Variants in TOR1A observed in about 807,000 individuals in gnomAD.
TOR1A encodes the protein torsin-1A.
In TOR1A, 18 loss-of-function variants were observed where a neutral mutation model predicts 31.4. That is an observed-to-expected ratio of 0.57 (90% CI 0.40 to 0.85). The LOEUF (loss-of-function observed/expected upper bound fraction) is 0.85. Among genes scored for constraint, TOR1A ranks in the 40% least tolerant of loss-of-function variants. The probability of loss-of-function intolerance (pLI) is 0.00; values close to 1 mark genes in which losing one functional copy is unlikely to be tolerated. For missense variants in TOR1A, 375 were observed against 416.4 expected (o/e 0.90, Z 0.87); for synonymous variants, 168 against 165.9 (o/e 1.01, Z -0.10).
intron 4 of TOR1A, among the ~76,000 whole-genome samples, chr9:129,815,015 G>A (rs1363277322): frequency 2.0e-5 from 3 of 152,154 alleles, no homozygotes; most frequent in Non-Finnish European, 2.9e-5. Flanking sequence ...GCACTGACCC[G>A]TCCACTCCTC....
At chr9:129,816,341 T>G (rs78170357) in intron 4 of TOR1A, among the ~76,000 whole-genome samples, 4,289 of 152,242 alleles carry the variant, frequency 0.028, 99 homozygotes, top group Middle Eastern at 0.051. Context: ...AAGCCTTTCT[T>G]GATTTTTTTC....
At position 129,818,881 on chromosome 9, in the gene TOR1A, A is replaced by G. The variant is rs781541689; in HGVS notation, c.484T>C (p.Cys162Arg). Residue 162 changes from cysteine (C) to arginine (R), a missense_variant, in exon 3 of 5, where the codon TGT becomes CGT. By Grantham distance (180) the Cys-to-Arg change is radical (BLOSUM62 -3). Transcript: ENST00000351698. Reference protein sequence around the residue: ...QLWIRGNVSACARSIFIFDEM... With the variant: ...QLWIRGNVSARARSIFIFDEM... ...TCAAATATGAAGATGGACCTCGCAC[A>G]GGCACTCACGTTGCCTCGAATCCAC... 1.1e-5 allele frequency: 18 copies of G among 1,613,782 alleles called. No individual in the cohort carries two copies. The highest frequency in any genetic ancestry group is 1.5e-5 in the Non-Finnish European group (18 of 1,180,036).
chr9:129,824,071 C>T lies in TOR1A; in HGVS notation c.15G>A (p.Arg5=). 6.3e-7 allele frequency: 1 copy of T among 1,591,092 alleles called. No individual in the cohort carries two copies. The highest frequency in any genetic ancestry group is 8.5e-7 in the Non-Finnish European group (1 of 1,171,952). The change falls in exon 1 of 5, where the codon CGG becomes CGA. Residue 5 remains arginine (R), a synonymous_variant. Coordinates refer to ENST00000351698, the MANE Select transcript of TOR1A (RefSeq NM_000113.3). The part of the protein sequence containing the change: MKLG[R]AVLGLLLLAP... ...CCAGCAGCAGCAGGCCCAGCACGGCCCGGCCCAGCTTCATGCCCGGACCCG... is the reference window on the plus strand; with the variant it reads ...CCAGCAGCAGCAGGCCCAGCACGGCTCGGCCCAGCTTCATGCCCGGACCCG...
At chr9:129,817,424 G>A (rs1386628942) in intron 4 of TOR1A, among the ~76,000 whole-genome samples, 1 of 152,198 alleles carries the variant, frequency 6.6e-6, no homozygotes, top group Non-Finnish European at 1.5e-5. Context: ...GAACTGGCCA[G>A]GCGTGGTGGC....
Position 129,823,982 on chromosome 9 carries a change from G to GTGA in TOR1A, c.101_103dup (p.Leu34_Thr35insIle). ...GTAGAGACGCGGGTAGATGTAGCCG[G>GTGA]TGAGGACGCCGGCCAGGGCCAGTCC... On this transcript the variant is annotated inframe_insertion, in exon 1 of 5. Transcript: ENST00000351698. 6.2e-7 allele frequency: 1 copy of GTGA among 1,611,464 alleles called. No individual in the cohort carries two copies. The highest frequency in any genetic ancestry group is 8.5e-7 in the Non-Finnish European group (1 of 1,179,572).
rs761764499 is a variant in TOR1A, at chr9:129,814,022, T to TATCTGAGAAA, written c.939_948dup (p.Lys317PhefsTer4). 2 of 1,614,116 alleles carry TATCTGAGAAA rather than the reference T, an allele frequency of 1.2e-6. No individual in the cohort carries two copies. The highest frequency in any genetic ancestry group is 2.7e-5 in the African/African-American group (2 of 74,932). On this transcript the variant is annotated frameshift_variant, in exon 5 of 5. Transcript: ENST00000351698. LOFTEE classifies it high-confidence loss of function. Reference sequence around the variant, plus strand: ...TTGGTGAACACCGTTTTGCAGCCTTTATCTGAGAAAACTCTCTCCTCTTTG... The same window carrying TATCTGAGAAA: ...TTGGTGAACACCGTTTTGCAGCCTTTATCTGAGAAAATCTGAGAAAACTCTCTCCTCTTTG...
At position 129,819,364 on chromosome 9, in the gene TOR1A, A is replaced by T. The variant is rs147467425; in HGVS notation, c.445-444T>A. On this transcript the variant is annotated intron_variant, in intron 2 of 4. Transcript: ENST00000351698. ...GTCGGGCATGGTGGCTCACACCTGT[A>T]ATCCCAGCACTTTGGGAGGCTGAGG... 2.0e-3 allele frequency among the ~76,000 whole-genome samples: 301 copies of T among 152,314 alleles called. 9 individuals carry two copies. In the East Asian group the frequency reaches 0.057, roughly 29 times the overall value.
chr9:129,814,742 C>T (rs767611773), intron 4 of TOR1A, among the ~76,000 whole-genome samples: 9 of 151,610 alleles, frequency 5.9e-5, no homozygotes, highest in Non-Finnish European at 1.2e-4. Context: ...AGGCAGAGTT[C>T]CACAGAAAGC....
rs1588214876 is a variant in TOR1A, at chr9:129,814,275, A to G, written c.749-53T>C. ...ATCCACATCCACCCACCTGCCCTATAGACGCCTCCTGGGGGTCACTTACCT... is the reference window on the plus strand; with the variant it reads ...ATCCACATCCACCCACCTGCCCTATGGACGCCTCCTGGGGGTCACTTACCT... On this transcript the variant is annotated intron_variant, in intron 4 of 4. Coordinates refer to ENST00000351698, the MANE Select transcript of TOR1A (RefSeq NM_000113.3). 1.9e-6 allele frequency: 3 copies of G among 1,612,448 alleles called. No individual in the cohort carries two copies. The East Asian group carries it at 6.7e-5, about 36-fold the overall frequency.
At position 129,814,098 on chromosome 9, in the gene TOR1A, T is replaced by A; in HGVS notation, c.873A>T (p.Glu291Asp). The A allele has an allele frequency of 1.2e-6, 2 of 1,614,226 alleles. No individual in the cohort carries two copies. The highest frequency in any genetic ancestry group is 2.7e-5 in the African/African-American group (2 of 75,040). ...CTCTGCTTACAATGTCTTCATCAAT[T>A]TCATAGCCTCGGGACTGCATTTCCA... is the stretch of plus-strand genomic sequence containing the variant. ...IRVEMQSRGY[E>D]IDEDIVSRVA... Residue 291 changes from glutamate to aspartate, a missense_variant, in exon 5 of 5, where the codon GAA becomes GAT. Transcript: ENST00000351698.
At position 129,818,657 on chromosome 9, in the gene TOR1A, A is replaced by G; in HGVS notation, c.621-10T>C. 1 of 1,614,210 alleles carries G rather than the reference A, an allele frequency of 6.2e-7. No homozygotes were observed. Among genetic ancestry groups the G allele is most frequent in the Non-Finnish European group, 8.5e-7 (1 of 1,180,044 alleles). On this transcript the variant is annotated splice_polypyrimidine_tract_variant and intron_variant, in intron 3 of 4. Transcript: ENST00000351698. ...TTCTGCTCCAGCATTGCTGCAAAAC[A>G]ATCCCAGTGGGTAAGGACAGGGTTT...
At chr9:129,821,365 C>T (rs1316379513) in intron 2 of TOR1A, 1 of 152,164 alleles carries the variant, frequency 6.6e-6, no homozygotes, top group South Asian at 2.1e-4. Context: ...TGCAGGTCTG[C>T]TACAAGGATC....
Position 129,813,879 on chromosome 9 carries a change from C to T in TOR1A, c.*93G>A, listed in dbSNP as rs1053228238. ...CAGGAACATTCACTGGATTCCTCTT[C>T]CAGGGAAAGGAGCTGGGGGTGGAAG... is the stretch of plus-strand genomic sequence containing the variant. On this transcript the variant is annotated 3_prime_UTR_variant, in exon 5 of 5. Transcript: ENST00000351698. 5 of 1,536,458 alleles carry T rather than the reference C, an allele frequency of 3.3e-6. No homozygotes were observed. Among genetic ancestry groups the T allele is most frequent in the Non-Finnish European group, 4.5e-6 (5 of 1,120,662 alleles).
At chr9:129,819,964 AAAAT>A (rs1378741918) in intron 2 of TOR1A, among the ~76,000 whole-genome samples, 1 of 149,552 alleles carries the variant, frequency 6.7e-6, no homozygotes, top group Non-Finnish European at 1.5e-5. Flanking sequence ...ATAAATAAAT[AAAAT>A]AAAATAAAAT....
At chr9:129,815,653 G>C (rs896992809) in intron 4 of TOR1A, among the ~76,000 whole-genome samples, 1 of 152,202 alleles carries the variant, frequency 6.6e-6, no homozygotes, top group Non-Finnish European at 1.5e-5. Flanking sequence ...GGACTCCCAA[G>C]TTTGCCCTCC....
In TOR1A at chr9:129,818,738, A is replaced by C. The variant is rs778990233; in HGVS notation, c.620+7T>G. 6.2e-7 allele frequency: 1 copy of C among 1,613,464 alleles called. No individual in the cohort carries two copies. Among genetic ancestry groups the C allele is most frequent in the Non-Finnish European group, 8.5e-7 (1 of 1,180,030 alleles). ...GCCCATCCATCATGTCCTAGCCCTG[A>C]CCTTACCTGAGAAATATGAACATGG... On this transcript the variant is annotated splice_region_variant and intron_variant, in intron 3 of 4. Coordinates refer to ENST00000351698, the MANE Select transcript of TOR1A (RefSeq NM_000113.3).
chr9:129,815,981 G>A (rs183484767), intron 4 of TOR1A, among the ~76,000 whole-genome samples: 52 of 152,094 alleles, frequency 3.4e-4, no homozygotes, highest in African/African-American at 1.2e-3. Context: ...TGAAGGCCCC[G>A]TCAGATCACA....
At chr9:129,823,741 GCCCAGC>G in intron 1 of TOR1A, 161 bp downstream of exon 1, 1 of 208,516 alleles carries the variant, frequency 4.8e-6, no homozygotes, top group Non-Finnish European at 7.8e-6. Flanking sequence ...TAGTGCCATC[GCCCAGC>G]CCCAGCCCCC....
At chr9:129,820,733 T>A (rs2031164101) in intron 2 of TOR1A, among the ~76,000 whole-genome samples, 1 of 152,116 alleles carries the variant, frequency 6.6e-6, no homozygotes, top group African/African-American at 2.4e-5. Context: ...TAGCTGGGAC[T>A]ACAGGTGCAT....
Sources: gnomAD v4.1 joint callset for allele counts (sites outside exome capture counted in the v4.1 genomes callset) on GRCh38, gnomAD v4.1.1 for gene constraint, MANE v1.5 for transcripts, NCBI Gene and HGNC (gene_info 2026-07-23, HGNC 2026-07-21) for gene names.